The following TEK variants were observed in gnomAD, a reference collection of about 807,000 sequenced individuals.
The protein encoded by TEK is angiopoietin-1 receptor.
In TEK, 43 loss-of-function variants were observed where a neutral mutation model predicts 131.8. The observed-to-expected ratio is 0.33, with a 90% confidence interval of 0.26 to 0.42. The LOEUF (loss-of-function observed/expected upper bound fraction) is 0.42. TEK is among the 10% of genes least tolerant of loss of function. The probability of loss-of-function intolerance (pLI) is 1.00; values close to 1 mark genes in which losing one functional copy is unlikely to be tolerated. For synonymous variants in TEK, 580 were observed against 491.6 expected, an observed-to-expected ratio of 1.18 and a Z score of -2.38; for missense variants, 1,162 against 1,384.4, an observed-to-expected ratio of 0.84 and a Z score of 2.55.
At chr9:27,220,596 T>A (rs1195967942) in intron 21 of TEK, among the ~76,000 whole-genome samples, 1 of 152,184 alleles carries the variant, frequency 6.6e-6, no homozygotes, top group Non-Finnish European at 1.5e-5. Flanking sequence ...CATTTCCAAC[T>A]GAGGTACCCG....
At position 27,173,278 on chromosome 9, in the gene TEK, G is replaced by A; in HGVS notation, c.817G>A (p.Gly273Arg). Residue 273 changes from glycine to arginine, a missense_variant, in exon 6 of 23, where the codon GGA (glycine) becomes AGA (arginine). Physicochemically the swap from Gly to Arg is moderately radical, Grantham distance 125 (BLOSUM62 -2). This residue lies in a region of TEK where 436 missense variants were observed against 539.1 expected (regional missense o/e 0.81). Coordinates refer to ENST00000380036, the MANE Select transcript of TEK (RefSeq NM_000459.5). The stretch of plus-strand genomic sequence containing the variant: ...TAAAGAAAGGTGCAGTGGACAAGAG[G>A]GATGCAAGTCTTATGTGTTCTGTCT... ...TCKERCSGQE[G>R]CKSYVFCLPD... 1 of 1,614,092 alleles carries A rather than the reference G, an allele frequency of 6.2e-7. No homozygotes were observed. The highest frequency in any genetic ancestry group is 8.5e-7 in the Non-Finnish European group (1 of 1,179,956).
Position 27,190,723 on chromosome 9 carries a change from G to A in TEK, c.1489+33G>A, listed in dbSNP as rs144488489. 729 of 1,612,932 alleles carry A rather than the reference G, an allele frequency of 4.5e-4. 3 individuals carry two copies. In the African/African-American group the frequency reaches 7.7e-3, roughly 17 times the overall value. On this transcript the variant is annotated intron_variant, in intron 10 of 22. Coordinates refer to ENST00000380036, the MANE Select transcript of TEK (RefSeq NM_000459.5). Reference sequence around the variant, plus strand: ...TTGGACAGGATAGATGCCAGCTGGGGATGTGGCACCAGGAGAATTATTTTT... The same window carrying A: ...TTGGACAGGATAGATGCCAGCTGGGAATGTGGCACCAGGAGAATTATTTTT...
chr9:27,190,108 C>T (rs1348135300), intron 9 of TEK, among the ~76,000 whole-genome samples: 5 of 152,016 alleles, frequency 3.3e-5, no homozygotes, highest in Non-Finnish European at 5.9e-5. Flanking sequence ...AGAGAGACAT[C>T]CACAATCAAT....
At chr9:27,189,744 C>A (rs1423188959) in intron 9 of TEK, among the ~76,000 whole-genome samples, 2 of 152,068 alleles carry the variant, frequency 1.3e-5, no homozygotes, top group Non-Finnish European at 2.9e-5. Flanking sequence ...GTCTCCTAAG[C>A]CTCCAGAAAG....
intron 1 of TEK, among the ~76,000 whole-genome samples, chr9:27,110,843 T>TGTG (rs1821314600): frequency 6.6e-6 from 1 of 152,226 alleles, no homozygotes; most frequent in South Asian, 2.1e-4. Context: ...TCAGTATTTA[T>TGTG]GTGGAAATTG....
intron 19 of TEK, among the ~76,000 whole-genome samples, chr9:27,218,133 C>A (rs55910117): frequency 3.1e-4 from 44 of 143,800 alleles, no homozygotes; most frequent in East Asian, 1.2e-3. Context: ...CAGACAGTGG[C>A]GGGGGTCGTC....
chr9:27,152,579 T>A, intron 1 of TEK, among the ~76,000 whole-genome samples: 1 of 146,998 alleles, frequency 6.8e-6, no homozygotes, highest in Non-Finnish European at 1.5e-5. Context: ...TCAAATAAAA[T>A]CTTATATGAA....
intron 1 of TEK, among the ~76,000 whole-genome samples, chr9:27,119,329 T>C (rs1587476800): frequency 6.6e-6 from 1 of 152,156 alleles, no homozygotes; most frequent in Non-Finnish European, 1.5e-5. Flanking sequence ...TTAAAAAAAA[T>C]AACTTAAAAA....
intron 20 of TEK, 49 bp downstream of exon 20, chr9:27,218,866 G>T (rs1340823147): frequency 6.4e-7 from 1 of 1,573,610 alleles, no homozygotes; most frequent in African/African-American, 1.3e-5. Flanking sequence ...CAAAGTGAGT[G>T]GAAGCCTCTA....
At chr9:27,198,047 A>G (rs1005821778) in intron 12 of TEK, among the ~76,000 whole-genome samples, 6 of 146,436 alleles carry the variant, frequency 4.1e-5, no homozygotes, top group Non-Finnish European at 7.7e-5. Flanking sequence ...TAGGAGTAAT[A>G]AAATCACTTT....
chr9:27,119,154 T>C (rs1587476532), intron 1 of TEK, among the ~76,000 whole-genome samples: 2 of 152,124 alleles, frequency 1.3e-5, no homozygotes, highest in East Asian at 3.9e-4. Flanking sequence ...CAGTAGGAAA[T>C]GATGGAGACA....
chr9:27,161,442 G>A (rs1464028489), intron 2 of TEK, among the ~76,000 whole-genome samples: 2 of 152,188 alleles, frequency 1.3e-5, no homozygotes, highest in Non-Finnish European at 2.9e-5. Flanking sequence ...AGTGAACGTT[G>A]TCCCTAAAAG....
Position 27,169,348 on chromosome 9 carries a change from C to T in TEK, c.476-129C>T, listed in dbSNP as rs7855740. The T allele has an allele frequency of 4.1e-4, 496 of 1,219,516 alleles. 3 individuals are homozygous for T. In the African/African-American group the frequency reaches 6.9e-3, roughly 17 times the overall value. The allele number at this position is 1,219,516 out of a possible 1,614,324, so 75.5% of individuals were successfully genotyped here. On this transcript the variant is annotated intron_variant, in intron 3 of 22. Coordinates refer to ENST00000380036, the MANE Select transcript of TEK (RefSeq NM_000459.5). ...AATAGTTCAGCATTTTCATTCTTCT[C>T]CCACATCCAATATGTGAGAGCACAT...
At chr9:27,164,354 CTG>C (rs1823650201) in intron 2 of TEK, among the ~76,000 whole-genome samples, 2 of 146,408 alleles carry the variant, frequency 1.4e-5, no homozygotes, top group South Asian at 4.3e-4. Flanking sequence ...GAGTCTCACT[CTG>C]TCACTGAGGC....
chr9:27,228,092 G>A (rs969725177), intron 21 of TEK, 114 bp from the exon 22 acceptor site: 1 of 793,790 alleles, frequency 1.3e-6, no homozygotes, highest in Non-Finnish European at 2.1e-6. Context: ...GCTGTACTTT[G>A]GTTAAGCTTC....
intron 7 of TEK, among the ~76,000 whole-genome samples, chr9:27,183,142 C>T (rs1377362498): frequency 6.6e-6 from 1 of 152,136 alleles, no homozygotes; most frequent in East Asian, 1.9e-4. Flanking sequence ...GGAGATATGG[C>T]CATGATAATC....
At position 27,229,443 on chromosome 9, in the gene TEK, G is replaced by A. The variant is rs1826475758; in HGVS notation, c.*211G>A. 5.1e-6 allele frequency: 3 copies of A among 584,976 alleles called. No individual in the cohort carries two copies. Among genetic ancestry groups the A allele is most frequent in the Admixed American group, 5.8e-5 (2 of 34,764 alleles). The allele number at this position is 584,976 out of a possible 1,614,324, so 36.2% of individuals were successfully genotyped here. The stretch of plus-strand genomic sequence containing the variant: ...ACTGTATATACTGTTTTAAGAATGG[G>A]CTGAAATCAGAATGCCTGTTTGTGG... On this transcript the variant is annotated 3_prime_UTR_variant, in exon 23 of 23. Transcript: ENST00000380036.
rs1312170593 is a variant in TEK at position 27,173,200 on chromosome 9, ATCTTT to A, written c.761-14_761-10del. The A allele has an allele frequency of 6.2e-6, 10 of 1,613,796 alleles. No homozygotes were observed. In the African/African-American group the frequency reaches 1.2e-4, roughly 19 times the overall value. Reference sequence around the variant, plus strand: ...GGGGTTGCATATTTGACTCTGAATCATCTTTTCTTTTCCTCCCAAAGCTTGTGAAC... The same window carrying A: ...GGGGTTGCATATTTGACTCTGAATCATCTTTTCCTCCCAAAGCTTGTGAAC... On this transcript the variant is annotated splice_polypyrimidine_tract_variant and intron_variant, in intron 5 of 22. Coordinates refer to ENST00000380036, the MANE Select transcript of TEK (RefSeq NM_000459.5).
intron 6 of TEK, among the ~76,000 whole-genome samples, chr9:27,178,938 A>G (rs932970168): frequency 2.0e-5 from 3 of 152,366 alleles, no homozygotes; most frequent in African/African-American, 7.2e-5. Flanking sequence ...GTGCCTATGC[A>G]TAGTTTACTT....
Sources: allele counts gnomAD v4.1 joint callset (sites outside exome capture counted in the v4.1 genomes callset), GRCh38; gene constraint gnomAD v4.1.1; regional missense constraint gnomAD v4.1.1; transcripts MANE v1.5; gene names NCBI Gene and HGNC (gene_info 2026-07-23, HGNC 2026-07-21).